CNST: variants seen among roughly 807,000 people sequenced by gnomAD.
CNST encodes the protein consortin.
Under a neutral mutation model 72.4 loss-of-function variants are expected in CNST, and 39 were observed. The ratio of observed to expected loss-of-function variants is 0.54; its 90% CI spans 0.42 to 0.70. The LOEUF (loss-of-function observed/expected upper bound fraction) is 0.70, where lower values mean the gene tolerates loss of function less well. Ranked by LOEUF, CNST falls within the 30% of genes least tolerant of loss-of-function variation. CNST has a pLI of 0.00. For missense variants in CNST, 871 were observed against 868.5 expected (o/e 1.00, Z -0.04); for synonymous variants, 332 against 320.1 (o/e 1.04, Z -0.40).
At chr1:246,585,404 T>C (rs1189147366) in intron 1 of CNST, among the ~76,000 whole-genome samples, 2 of 152,020 alleles carry the variant, frequency 1.3e-5, no homozygotes, top group African/African-American at 2.4e-5. Context: ...CCCAGCACTT[T>C]GGGAGGCCGA....
intron 10 of CNST, among the ~76,000 whole-genome samples, chr1:246,660,908 G>A (rs1667066141): frequency 6.6e-6 from 1 of 152,070 alleles, no homozygotes; most frequent in South Asian, 2.1e-4. Context: ...TTAATGTTGA[G>A]AGCTTAGTTC....
Position 246,600,248 on chromosome 1 carries a change from ATAG to A in CNST, c.379+8311_379+8313del, listed in dbSNP as rs758115134. ...AAAGAAAAGAGTGAATCAAGGGGAA[ATAG>A]TAGAGAGTAGAGCAGTAGAGAGATG... On this transcript the variant is annotated intron_variant, in intron 2 of 10. Coordinates refer to ENST00000366513, the MANE Select transcript of CNST (RefSeq NM_152609.3). 5.3e-5 allele frequency among the ~76,000 whole-genome samples: 8 copies of A among 152,362 alleles called. No individual in the cohort carries two copies. The South Asian group carries it at 1.4e-3, about 28-fold the overall frequency.
At chr1:246,624,610 GCCT>G (rs1664303304) in intron 3 of CNST, among the ~76,000 whole-genome samples, 1 of 152,210 alleles carries the variant, frequency 6.6e-6, no homozygotes, top group African/African-American at 2.4e-5. Context: ...GTTGATGGCT[GCCT>G]CCTCAGCCCA....
intron 3 of CNST, among the ~76,000 whole-genome samples, chr1:246,624,058 A>G (rs3129545): frequency 0.91 from 139,112 of 152,298 alleles, 63,540 homozygotes; most frequent in South Asian, 0.94. Context: ...GGAAGACCCC[A>G]TCTAAAAATA....
chr1:246,652,946 G>C (rs916100619), intron 9 of CNST, among the ~76,000 whole-genome samples: 2 of 151,532 alleles, frequency 1.3e-5, no homozygotes, highest in Non-Finnish European at 2.9e-5. Context: ...GGAGCTTGCA[G>C]TGAGCCGAGA....
intron 2 of CNST, among the ~76,000 whole-genome samples, chr1:246,601,524 G>T (rs1662288117): frequency 6.6e-6 from 1 of 152,132 alleles, no homozygotes; most frequent in Admixed American, 6.5e-5. Context: ...GCCTGGCACG[G>T]TGGCTCACAC....
Position 246,621,782 on chromosome 1 carries a change from C to T in CNST, c.585+148C>T, listed in dbSNP as rs1664110119. On this transcript the variant is annotated intron_variant, in intron 3 of 10. Transcript: ENST00000366513. ...GGCTGAGGTGGGTGGATGGCTTGAGCTCAGGAGTTCAAGACCAGCCTGGGC... is the reference window on the plus strand; with the variant it reads ...GGCTGAGGTGGGTGGATGGCTTGAGTTCAGGAGTTCAAGACCAGCCTGGGC... The T allele has an allele frequency of 8.6e-6, 6 of 701,092 alleles. No homozygotes were observed. The African/African-American group carries it at 8.9e-5, about 10-fold the overall frequency. 43.4% of individuals were successfully genotyped at this position (701,092 alleles called of 1,614,324 possible). A position where few individuals can be genotyped will look rare whatever the true frequency, so the allele number is the denominator to read the frequency against.
In CNST at chr1:246,632,866, G is replaced by A. The variant is rs545014236; in HGVS notation, c.616+942G>A. On this transcript the variant is annotated intron_variant, in intron 4 of 10. Coordinates refer to ENST00000366513, the MANE Select transcript of CNST (RefSeq NM_152609.3). ...CATGTGATCCTTTGGTCTTGTGGGA[G>A]AAAAGCATTCAGTGGGAAATAATAA... Among the ~76,000 whole-genome samples the A allele has an allele frequency of 4.6e-5, 7 of 152,298 alleles. No homozygotes were observed. The East Asian group carries it at 1.4e-3, about 29-fold the overall frequency.
chr1:246,630,257 T>C (rs115587752), intron 3 of CNST, among the ~76,000 whole-genome samples: 1,989 of 152,338 alleles, frequency 0.013, 17 homozygotes, highest in Middle Eastern at 0.037. Context: ...ACACTGCTGG[T>C]TACACCATTA....
At chr1:246,618,174 C>G (rs1236248777) in intron 2 of CNST, among the ~76,000 whole-genome samples, 1 of 152,178 alleles carries the variant, frequency 6.6e-6, no homozygotes, top group Non-Finnish European at 1.5e-5. Flanking sequence ...GTCTGCATTT[C>G]TTATGTAGCA....
intron 10 of CNST, 103 bp from the exon 11 acceptor site, chr1:246,665,597 C>A: frequency 4.3e-6 from 4 of 940,182 alleles, no homozygotes; most frequent in Non-Finnish European, 3.3e-6. Flanking sequence ...CCGTAGAGGA[C>A]CAACAGTAGA....
chr1:246,613,962 G>C (rs1663514371), intron 2 of CNST, among the ~76,000 whole-genome samples: 1 of 151,790 alleles, frequency 6.6e-6, no homozygotes, highest in African/African-American at 2.4e-5. Context: ...CCAAAGTGCT[G>C]AGCTTACAGG....
At chr1:246,636,968 C>T (rs1481022031) in intron 6 of CNST, among the ~76,000 whole-genome samples, 1 of 152,078 alleles carries the variant, frequency 6.6e-6, no homozygotes, top group Non-Finnish European at 1.5e-5. Context: ...GTATAAGGAT[C>T]GTGGTGAGGG....
chr1:246,650,538 A>G (rs1256019772), intron 9 of CNST, among the ~76,000 whole-genome samples: 2 of 152,132 alleles, frequency 1.3e-5, no homozygotes, highest in Admixed American at 1.3e-4. Context: ...AATACTTAAT[A>G]TTTTCTAATA....
intron 1 of CNST, among the ~76,000 whole-genome samples, chr1:246,590,229 G>A (rs959764128): frequency 7.2e-5 from 11 of 152,160 alleles, no homozygotes; most frequent in Non-Finnish European, 1.2e-4. Flanking sequence ...TCGAGCAAGC[G>A]TGGGGAGCGT....
chr1:246,656,767 A>G (rs530961696), intron 9 of CNST, among the ~76,000 whole-genome samples: 15 of 152,160 alleles, frequency 9.9e-5, no homozygotes, highest in Admixed American at 3.9e-4. Context: ...GTCTCCACAA[A>G]AGAATGCCAA....
At chr1:246,613,392 G>C (rs1450022866) in intron 2 of CNST, among the ~76,000 whole-genome samples, 1 of 152,028 alleles carries the variant, frequency 6.6e-6, no homozygotes, top group African/African-American at 2.4e-5. Context: ...TCAGAGAAAA[G>C]GTGGATGGTT....
chr1:246,609,713 T>C (rs1278635989), intron 2 of CNST, among the ~76,000 whole-genome samples: 1 of 152,208 alleles, frequency 6.6e-6, no homozygotes, highest in Non-Finnish European at 1.5e-5. Context: ...ATCAAGCGTG[T>C]GTTAAAATTT....
At chr1:246,639,183 C>A (rs3124084) in intron 6 of CNST, among the ~76,000 whole-genome samples, 2,718 of 151,766 alleles carry the variant, frequency 0.018, 89 homozygotes, top group African/African-American at 0.063. Context: ...AACTCCACGC[C>A]GTTCGTCGGG....
Sources: gnomAD v4.1 joint callset for allele counts (sites outside exome capture counted in the v4.1 genomes callset) on GRCh38, gnomAD v4.1.1 for gene constraint, MANE v1.5 for transcripts, NCBI Gene and HGNC (gene_info 2026-07-23, HGNC 2026-07-21) for gene names.